ARHGAP32: variants seen among roughly 807,000 people sequenced by gnomAD.
ARHGAP32 encodes the protein Rho GTPase activating protein 32.
Under a neutral mutation model 186.5 loss-of-function variants are expected in ARHGAP32, and 51 were observed. The ratio of observed to expected loss-of-function variants is 0.27; its 90% CI spans 0.22 to 0.35. ARHGAP32 has a LOEUF of 0.35. Among genes scored for constraint, ARHGAP32 ranks in the 10% least tolerant of loss-of-function variants. The pLI, the probability that ARHGAP32 is intolerant of heterozygous loss-of-function variation, is 1.00. For missense variants in ARHGAP32, 2,186 were observed against 2,623.5 expected (o/e 0.83, Z 3.64); for synonymous variants, 950 against 964.3 (o/e 0.99, Z 0.27).
At chr11:129,101,275 C>A (rs1345224949) in intron 5 of ARHGAP32, among the ~76,000 whole-genome samples, 1 of 152,166 alleles carries the variant, frequency 6.6e-6, no homozygotes, top group East Asian at 1.9e-4. Context: ...AGAATCAGCA[C>A]AAGAACCCTG....
At chr11:129,148,730 C>T (rs1386710586) in intron 2 of ARHGAP32, among the ~76,000 whole-genome samples, 2 of 152,186 alleles carry the variant, frequency 1.3e-5, no homozygotes, top group East Asian at 3.9e-4. Flanking sequence ...AGCAGGAAAG[C>T]TCACAGCCTG....
intron 11 of ARHGAP32, among the ~76,000 whole-genome samples, chr11:129,007,812 C>A (rs147671896): frequency 6.6e-6 from 1 of 152,134 alleles, no homozygotes; most frequent in Admixed American, 6.5e-5. Context: ...GCAGTCCTTG[C>A]GGCCTAGACT....
At chr11:128,987,938 G>A in intron 13 of ARHGAP32, 85 bp downstream of exon 13, 1 of 856,218 alleles carries the variant, frequency 1.2e-6, no homozygotes, top group Non-Finnish European at 1.9e-6. Flanking sequence ...ATGAAAATAG[G>A]TTATCAAAGT....
At chr11:129,062,233 A>G (rs1555082783) in intron 10 of ARHGAP32, 47 bp downstream of exon 10, 21 of 1,553,336 alleles carry the variant, frequency 1.4e-5, no homozygotes, top group Non-Finnish European at 1.6e-5. Context: ...TGAATCATAA[A>G]AAAACTTTCC....
intron 1 of ARHGAP32, among the ~76,000 whole-genome samples, chr11:129,236,185 T>A (rs1435827681): frequency 6.6e-6 from 1 of 152,170 alleles, no homozygotes. Flanking sequence ...CCATTCCCAA[T>A]AACAGTGTAA....
upstream of ARHGAP32, among the ~76,000 whole-genome samples, chr11:129,193,710 T>TTATATAA (rs1565465009): frequency 5.4e-5 from 2 of 37,246 alleles, no homozygotes; most frequent in African/African-American, 1.8e-4. Flanking sequence ...ATAATATATA[T>TTATATAA]TATATATTAT....
intron 1 of ARHGAP32, among the ~76,000 whole-genome samples, chr11:129,175,038 C>CTT (rs1277427729): frequency 8.0e-6 from 1 of 125,706 alleles, no homozygotes; most frequent in Non-Finnish European, 1.7e-5. Flanking sequence ...AAGTTGAAAA[C>CTT]TTTGAAAAAA....
At position 128,969,825 on chromosome 11, in the gene ARHGAP32, G is replaced by A. The variant is rs747463963; in HGVS notation, c.5388C>T (p.Asp1796=). ...QYDNMTPAVQ[D]DLGGIYVIHL... ...GGATGACATAGATCCCACCCAAGTC[G>A]TCCTGCACCGCCGGGGTCATGTTAT... Residue 1796 remains aspartate, a synonymous_variant, in exon 23 of 23, where the codon GAC becomes GAT. Coordinates refer to ENST00000682385, the MANE Select transcript of ARHGAP32 (RefSeq NM_001378024.1). The surrounding 1 kb of genome is among the most constrained non-coding windows in gnomAD (Gnocchi z 4.8). 23 of 1,614,016 alleles carry A rather than the reference G, an allele frequency of 1.4e-5. No homozygotes were observed. Among genetic ancestry groups the A allele is most frequent in the South Asian group, 2.2e-5 (2 of 91,080 alleles).
chr11:129,089,540 C>T (rs1041412478), intron 6 of ARHGAP32, among the ~76,000 whole-genome samples: 6 of 152,142 alleles, frequency 3.9e-5, no homozygotes, highest in African/African-American at 1.4e-4. Flanking sequence ...TGCCCGAAAG[C>T]TGGTGTGACC....
At chr11:128,998,954 T>C (rs1289086582) in intron 11 of ARHGAP32, among the ~76,000 whole-genome samples, 4 of 152,182 alleles carry the variant, frequency 2.6e-5, no homozygotes, top group African/African-American at 7.2e-5. Flanking sequence ...CCTGTGATGA[T>C]TGTGTTAACT....
intron 1 of ARHGAP32, among the ~76,000 whole-genome samples, chr11:129,174,421 G>A (rs1334804095): frequency 6.6e-5 from 10 of 152,158 alleles, no homozygotes; most frequent in South Asian, 4.1e-4. Flanking sequence ...CAGAAAGCTC[G>A]AACTGGGTAG....
chr11:129,251,130 G>T (rs558054255), intron 1 of ARHGAP32, among the ~76,000 whole-genome samples: 1 of 152,294 alleles, frequency 6.6e-6, no homozygotes, highest in East Asian at 1.9e-4. Context: ...ATCCTATCTT[G>T]ATGAGGCACC....
intron 1 of ARHGAP32, among the ~76,000 whole-genome samples, chr11:129,205,218 T>G (rs1237560339): frequency 6.6e-6 from 1 of 152,124 alleles, no homozygotes; most frequent in Non-Finnish European, 1.5e-5. Flanking sequence ...TTATGTTATA[T>G]TTTCAAAATG....
chr11:128,966,181 G>A lies in ARHGAP32; in HGVS notation c.*2726C>T, dbSNP rs563938173. The A allele has an allele frequency of 1.3e-5, 2 of 152,308 alleles. No homozygotes were observed. The highest frequency in any genetic ancestry group is 4.8e-5 in the African/African-American group (2 of 41,556). The allele number at this position is 152,308 out of a possible 1,614,324, so 9.4% of individuals were successfully genotyped here. On this transcript the variant is annotated 3_prime_UTR_variant, in exon 23 of 23. Coordinates refer to ENST00000682385, the MANE Select transcript of ARHGAP32 (RefSeq NM_001378024.1). ...TTTTGCCAAAAAGATAAAATCTGGA[G>A]GCATGGCTATGAAAATGTCAATAGG...
Position 129,192,258 on chromosome 11 carries a change from T to A in ARHGAP32, c.-60A>T. ...AGGCATGGAATAAAAAGCACCAACATTCAGGTTGTTCAGCTCTACTCATGT... is the reference window on the plus strand; with the variant it reads ...AGGCATGGAATAAAAAGCACCAACAATCAGGTTGTTCAGCTCTACTCATGT... On this transcript the variant is annotated 5_prime_UTR_variant, in exon 1 of 23. It removes an upstream start codon present in the reference 5' UTR. Transcript: ENST00000682385. The A allele has an allele frequency of 8.6e-7, 1 of 1,168,438 alleles. No homozygotes were observed. Among genetic ancestry groups the A allele is most frequent in the Non-Finnish European group, 1.3e-6 (1 of 784,070 alleles). The allele number at this position is 1,168,438 out of a possible 1,614,324, so 72.4% of individuals were successfully genotyped here.
intron 15 of ARHGAP32, chr11:128,985,792 T>C (rs1438159699): frequency 5.3e-6 from 1 of 189,562 alleles, no homozygotes; most frequent in Non-Finnish European, 1.0e-5. Context: ...CATATACATA[T>C]ACATATAGGT....
intron 5 of ARHGAP32, among the ~76,000 whole-genome samples, chr11:129,109,002 C>T (rs1942128092): frequency 6.6e-6 from 1 of 152,084 alleles, no homozygotes; most frequent in East Asian, 1.9e-4. Flanking sequence ...TGGTATTGAA[C>T]ATTGTAACTT....
At chr11:129,070,233 A>C (rs989754608) in intron 6 of ARHGAP32, among the ~76,000 whole-genome samples, 1 of 152,080 alleles carries the variant, frequency 6.6e-6, no homozygotes, top group East Asian at 1.9e-4. Flanking sequence ...CAGAAGAGTA[A>C]GTGAAATAAT....
chr11:129,090,623 T>C (rs1293959412), intron 6 of ARHGAP32, among the ~76,000 whole-genome samples: 2 of 152,162 alleles, frequency 1.3e-5, no homozygotes, highest in African/African-American at 4.8e-5. Flanking sequence ...ACAAGACTTT[T>C]ATTACAGCAC....
Sources: gnomAD v4.1 joint callset for allele counts (sites outside exome capture counted in the v4.1 genomes callset) on GRCh38, gnomAD v4.1.1 for gene constraint, Gnocchi (gnomAD v3.1) non-coding constraint, MANE v1.5 for transcripts, NCBI Gene and HGNC (gene_info 2026-07-23, HGNC 2026-07-21) for gene names.